ATP6V1E2: variants seen among roughly 807,000 people sequenced by gnomAD.
ATP6V1E2 encodes the protein ATPase H+ transporting V1 subunit E2.
For missense variants in ATP6V1E2, 308 were observed against 273.3 expected (o/e 1.13, Z -0.90); for synonymous variants, 121 against 104.2 (o/e 1.16, Z -0.98).
At chr2:46,538,287 A>G (rs1667550342) in intron 2 of ATP6V1E2, among the ~76,000 whole-genome samples, 1 of 152,196 alleles carries the variant, frequency 6.6e-6, no homozygotes, top group African/African-American at 2.4e-5. Flanking sequence ...TTTTTACTCA[A>G]AAACTTTTGA....
chr2:46,523,604 A>G (rs944225053), intron 4 of ATP6V1E2, among the ~76,000 whole-genome samples: 1 of 152,180 alleles, frequency 6.6e-6, no homozygotes, highest in Non-Finnish European at 1.5e-5. Flanking sequence ...CTGTTTTGGT[A>G]CCAGTACCAT....
At chr2:46,538,122 C>T in intron 2 of ATP6V1E2, among the ~76,000 whole-genome samples, 1 of 152,164 alleles carries the variant, frequency 6.6e-6, no homozygotes, top group East Asian at 1.9e-4. Context: ...CCCTGAAACC[C>T]ACTGCCTCCT....
At chr2:46,516,541 C>G (rs1687717613) in intron 4 of ATP6V1E2, among the ~76,000 whole-genome samples, 1 of 152,240 alleles carries the variant, frequency 6.6e-6, no homozygotes, top group East Asian at 1.9e-4. Context: ...CTGTAATAAG[C>G]TAATGAGGTG....
chr2:46,539,909 A>AG (rs1244919656), intron 2 of ATP6V1E2, among the ~76,000 whole-genome samples: 2 of 152,232 alleles, frequency 1.3e-5, no homozygotes, highest in African/African-American at 4.8e-5. Flanking sequence ...TCTCTAGCAC[A>AG]GCACTGCTCA....
intron 2 of ATP6V1E2, chr2:46,537,471 G>A (rs1420498494): frequency 6.6e-6 from 1 of 152,056 alleles, no homozygotes; most frequent in East Asian, 1.9e-4. Context: ...TTTCCTTCTG[G>A]AAAACATGGT....
In ATP6V1E2 at chr2:46,511,973, C is replaced by CA; in HGVS notation, c.*57dup. The CA allele has an allele frequency of 6.7e-7, 1 of 1,491,424 alleles. No individual in the cohort carries two copies. The highest frequency in any genetic ancestry group is 9.0e-7 in the Non-Finnish European group (1 of 1,116,176). 92.4% of individuals were successfully genotyped at this position (1,491,424 alleles called of 1,614,324 possible). Reference sequence around the variant, plus strand: ...GGAAACACTACTAGTTTCCTTTCCCCAAAAAACTTAAACTTTTATGGTTTA... The same window carrying CA: ...GGAAACACTACTAGTTTCCTTTCCCCAAAAAAACTTAAACTTTTATGGTTTA... On this transcript the variant is annotated 3_prime_UTR_variant, in exon 5 of 5. Coordinates refer to ENST00000522587, the MANE Select transcript of ATP6V1E2 (RefSeq NM_001318063.2).
chr2:46,525,432 C>A (rs1237791717), intron 4 of ATP6V1E2, among the ~76,000 whole-genome samples: 13 of 138,794 alleles, frequency 9.4e-5, no homozygotes, highest in Non-Finnish European at 1.4e-4. Context: ...ACAGCACTCC[C>A]GCCTGGGCGA....
At chr2:46,525,360 G>A (rs1007976357) in intron 4 of ATP6V1E2, among the ~76,000 whole-genome samples, 1 of 151,744 alleles carries the variant, frequency 6.6e-6, no homozygotes, top group African/African-American at 2.4e-5. Flanking sequence ...TACTCGGGAG[G>A]CTGAGGCAGG....
rs1438748286 is a variant in ATP6V1E2 at position 46,512,002 on chromosome 2, G to A, written c.*29C>T. On this transcript the variant is annotated 3_prime_UTR_variant, in exon 5 of 5. Transcript: ENST00000522587. ...AAACTTAAACTTTTATGGTTTAGTG[G>A]TTCAACACTAGCTTCACTTCCCAGA... 2 of 1,533,868 alleles carry A rather than the reference G, an allele frequency of 1.3e-6. No homozygotes were observed. The highest frequency in any genetic ancestry group is 1.7e-6 in the Non-Finnish European group (2 of 1,143,984).
chr2:46,538,982 A>C (rs1042108252), intron 2 of ATP6V1E2, among the ~76,000 whole-genome samples: 27 of 152,126 alleles, frequency 1.8e-4, no homozygotes, highest in African/African-American at 5.3e-4. Flanking sequence ...AACACACACA[A>C]AAAAAAATTC....
chr2:46,521,435 A>C (rs9309135), intron 4 of ATP6V1E2, among the ~76,000 whole-genome samples: 79,912 of 151,928 alleles, frequency 0.53, 21,378 homozygotes, highest in East Asian at 0.84. Flanking sequence ...GTAAGCAAAT[A>C]TGAGGTCAGA....
intron 4 of ATP6V1E2, among the ~76,000 whole-genome samples, chr2:46,531,099 C>A (rs1223438195): frequency 1.3e-5 from 2 of 152,176 alleles, no homozygotes; most frequent in East Asian, 3.8e-4. Flanking sequence ...GTTGTACAAC[C>A]ATTGCCTCTA....
At chr2:46,531,578 A>G (rs13020299) in intron 4 of ATP6V1E2, among the ~76,000 whole-genome samples, 37,300 of 152,156 alleles carry the variant, frequency 0.25, 4,793 homozygotes, top group Admixed American at 0.3. Context: ...TTGTAATTCT[A>G]TAATTAACTT....
chr2:46,519,543 A>G (rs896211), intron 4 of ATP6V1E2: 138,015 of 152,368 alleles, frequency 0.91, 62,639 homozygotes, highest in African/African-American at 0.97. Context: ...GTCGGCGTGG[A>G]CTCTGCAGTC....
At chr2:46,526,451 T>C (rs1336555229) in intron 4 of ATP6V1E2, among the ~76,000 whole-genome samples, 1 of 152,202 alleles carries the variant, frequency 6.6e-6, no homozygotes, top group Non-Finnish European at 1.5e-5. Context: ...TTAAGAATAT[T>C]CACATGGTTT....
At chr2:46,536,534 A>C (rs1321054914) in intron 3 of ATP6V1E2, 77 bp downstream of exon 3, 1 of 152,504 alleles carries the variant, frequency 6.6e-6, no homozygotes. Flanking sequence ...GATTCTGGGC[A>C]TTGTGGTGGG....
chr2:46,518,387 G>A (rs1249005185), intron 4 of ATP6V1E2, among the ~76,000 whole-genome samples: 1 of 151,944 alleles, frequency 6.6e-6, no homozygotes, highest in Middle Eastern at 3.4e-3. Flanking sequence ...TGTAGTTTTC[G>A]TGATGCAAGA....
chr2:46,514,436 T>C (rs370061842), intron 4 of ATP6V1E2, among the ~76,000 whole-genome samples: 91 of 152,186 alleles, frequency 6.0e-4, no homozygotes, highest in Non-Finnish European at 2.1e-4. Flanking sequence ...AGGAAAATGA[T>C]GTATGAACAA....
At chr2:46,517,357 T>C (rs934035231) in intron 4 of ATP6V1E2, among the ~76,000 whole-genome samples, 1 of 152,180 alleles carries the variant, frequency 6.6e-6, no homozygotes, top group Non-Finnish European at 1.5e-5. Flanking sequence ...GACTTAAATG[T>C]AAGGCCTGAA....
Sources: allele counts gnomAD v4.1 joint callset (sites outside exome capture counted in the v4.1 genomes callset), GRCh38; gene constraint gnomAD v4.1.1; transcripts MANE v1.5; gene names NCBI Gene and HGNC (gene_info 2026-07-23, HGNC 2026-07-21).